Variants in FAM171A1 observed in about 807,000 individuals in gnomAD.
The protein encoded by FAM171A1 is protein FAM171A1.
FAM171A1 carries 23 observed loss-of-function variants against 74.9 expected under a neutral mutation model. The ratio of observed to expected loss-of-function variants is 0.31; its 90% CI spans 0.22 to 0.44. FAM171A1 has a LOEUF of 0.44. FAM171A1 is among the 20% of genes least tolerant of loss of function. The pLI is 1.00. For synonymous variants in FAM171A1, 527 were observed against 505.7 expected (o/e 1.04, Z -0.57); for missense variants, 1,162 against 1,159.2 (o/e 1.00, Z -0.03).
intron 5 of FAM171A1, among the ~76,000 whole-genome samples, chr10:15,226,902 A>G (rs1265119030): frequency 6.6e-6 from 1 of 152,068 alleles, no homozygotes; most frequent in Non-Finnish European, 1.5e-5. Flanking sequence ...CTGGAGCTGT[A>G]TGCTATTGGG....
At chr10:15,374,101 G>T (rs1337404189), upstream of FAM171A1, among the ~76,000 whole-genome samples, 1 of 152,218 alleles carries the variant, frequency 6.6e-6, no homozygotes, top group African/African-American at 2.4e-5. Flanking sequence ...AGACGCTCAG[G>T]TCTGATGGAG....
intron 1 of FAM171A1, among the ~76,000 whole-genome samples, chr10:15,345,731 C>T (rs1332514255): frequency 1.3e-5 from 2 of 152,096 alleles, no homozygotes; most frequent in Admixed American, 6.5e-5. Flanking sequence ...AAGCAAAGAG[C>T]AGGGTGCCCA....
chr10:15,262,391 A>C (rs1182277699), intron 3 of FAM171A1, among the ~76,000 whole-genome samples: 3 of 152,200 alleles, frequency 2.0e-5, no homozygotes, highest in Non-Finnish European at 4.4e-5. Flanking sequence ...TTTTGAAATA[A>C]GAGATAGGCA....
chr10:15,229,855 C>T (rs61844217), intron 5 of FAM171A1, among the ~76,000 whole-genome samples: 525 of 15,970 alleles, frequency 0.033, 1 homozygote, highest in South Asian at 0.047. Flanking sequence ...ACCATCATCA[C>T]CATCACCCCC....
chr10:15,213,522 G>T lies in FAM171A1; in HGVS notation c.2066C>A (p.Thr689Asn). Residue 689 changes from threonine (T) to asparagine (N), a missense_variant, in exon 8 of 8, where the codon ACT becomes AAT. Physicochemically the swap from Thr to Asn is moderately conservative, Grantham distance 65. Transcript: ENST00000378116. The surrounding 1 kb of genome is among the most constrained non-coding windows in gnomAD (Gnocchi z 6.8). ...CCCAAGCTCCATCAGGGCCTTTTCAGTCAGGAGCTGCACCTCACTGTTCAT... is the reference window on the plus strand; with the variant it reads ...CCCAAGCTCCATCAGGGCCTTTTCATTCAGGAGCTGCACCTCACTGTTCAT... ...AQMNSEVQLL[T>N]EKALMELGGG... The T allele has an allele frequency of 6.2e-7, 1 of 1,614,150 alleles. No homozygotes were observed. Among genetic ancestry groups the T allele is most frequent in the Non-Finnish European group, 8.5e-7 (1 of 1,180,032 alleles).
intron 1 of FAM171A1, among the ~76,000 whole-genome samples, chr10:15,307,508 T>C (rs1048979205): frequency 4.6e-5 from 7 of 151,944 alleles, no homozygotes; most frequent in African/African-American, 1.7e-4. Flanking sequence ...TAGCCAGGCA[T>C]GGTGGCAGGC....
At chr10:15,270,727 C>G (rs1834812916) in intron 3 of FAM171A1, among the ~76,000 whole-genome samples, 1 of 152,200 alleles carries the variant, frequency 6.6e-6, no homozygotes, top group South Asian at 2.1e-4. Context: ...GCAATATTTG[C>G]TGTTCTGCAG....
At position 15,216,832 on chromosome 10, in the gene FAM171A1, GAA is replaced by G. The variant is rs5783433; in HGVS notation, c.872-724_872-723del. On this transcript the variant is annotated intron_variant, in intron 6 of 7. Coordinates refer to ENST00000378116, the MANE Select transcript of FAM171A1 (RefSeq NM_001010924.2). ...CTATCTGGGAATTTTATATTGCAGT[GAA>G]AAAAAAAAAAAAAACCCTACAAAGT... Among the ~76,000 whole-genome samples the G allele has an allele frequency of 4.5e-3, 606 of 134,828 alleles. 2 individuals carry two copies. Among genetic ancestry groups the G allele is most frequent in the African/African-American group, 0.012 (447 of 36,922 alleles). 88.5% of individuals were successfully genotyped at this position (134,828 alleles called of 152,430 possible). A position where few individuals can be genotyped will look rare whatever the true frequency, so the allele number is the denominator to read the frequency against.
At chr10:15,246,327 G>C (rs1160790852) in intron 5 of FAM171A1, among the ~76,000 whole-genome samples, 1 of 152,070 alleles carries the variant, frequency 6.6e-6, no homozygotes, top group African/African-American at 2.4e-5. Flanking sequence ...TAATTATTTG[G>C]AAAGTAAAAA....
At chr10:15,370,156 CCAGGGCTGGAAAG>C (rs752757286) in intron 1 of FAM171A1, among the ~76,000 whole-genome samples, 117 of 152,166 alleles carry the variant, frequency 7.7e-4, no homozygotes, top group Admixed American at 2.7e-3. Flanking sequence ...CACGTTACTC[CCAGGGCTGGAAAG>C]CAGATTTGTG....
At chr10:15,306,816 A>C (rs1835301322) in intron 1 of FAM171A1, among the ~76,000 whole-genome samples, 2 of 152,218 alleles carry the variant, frequency 1.3e-5, no homozygotes. Flanking sequence ...AGTTCCATCC[A>C]GAATCCTTTT....
chr10:15,320,908 G>C (rs866254575), intron 1 of FAM171A1, among the ~76,000 whole-genome samples: 3 of 152,324 alleles, frequency 2.0e-5, no homozygotes, highest in Middle Eastern at 3.4e-3. Context: ...AAGCAATGCA[G>C]ACAACTTTCA....
chr10:15,322,101 A>G (rs749805970), intron 1 of FAM171A1, among the ~76,000 whole-genome samples: 8 of 152,224 alleles, frequency 5.3e-5, no homozygotes, highest in African/African-American at 1.9e-4. Flanking sequence ...GCCCGATACA[A>G]GCATGGGTTA....
chr10:15,370,057 C>T (rs533952070), intron 1 of FAM171A1, among the ~76,000 whole-genome samples: 34 of 151,922 alleles, frequency 2.2e-4, no homozygotes, highest in African/African-American at 8.0e-4. Flanking sequence ...ATGTGCCAAG[C>T]AAGCCTCAGG....
chr10:15,284,175 T>C (rs1835007840), intron 1 of FAM171A1, 70 bp from the exon 2 acceptor site: 2 of 1,423,566 alleles, frequency 1.4e-6, no homozygotes, highest in Non-Finnish European at 1.9e-6. Context: ...CTGGTATGAC[T>C]GTGATGGGAA....
chr10:15,250,680 A>G (rs111283324), intron 4 of FAM171A1, among the ~76,000 whole-genome samples: 77 of 152,308 alleles, frequency 5.1e-4, no homozygotes, highest in African/African-American at 1.8e-3. Flanking sequence ...GGATCACTTG[A>G]GCCTGGGAAG....
chr10:15,224,968 GTC>G (rs1160947816), intron 5 of FAM171A1, among the ~76,000 whole-genome samples: 2 of 152,144 alleles, frequency 1.3e-5, no homozygotes, highest in African/African-American at 2.4e-5. Context: ...AATCTACCCA[GTC>G]TTTCAAGATT....
intron 1 of FAM171A1, among the ~76,000 whole-genome samples, chr10:15,295,803 G>A (rs1413841954): frequency 2.0e-5 from 3 of 152,158 alleles, no homozygotes; most frequent in African/African-American, 7.2e-5. Context: ...GTGGCTGCCT[G>A]GGCCAGGGAG....
chr10:15,270,367 CAA>C (rs953343807), intron 3 of FAM171A1, among the ~76,000 whole-genome samples: 22 of 152,204 alleles, frequency 1.4e-4, no homozygotes, highest in African/African-American at 5.3e-4. Flanking sequence ...AGTAGCCAAA[CAA>C]AATGGCTGGG....
Sources: allele counts gnomAD v4.1 joint callset (sites outside exome capture counted in the v4.1 genomes callset), GRCh38; gene constraint gnomAD v4.1.1; non-coding constraint Gnocchi (gnomAD v3.1); transcripts MANE v1.5; gene names NCBI Gene and HGNC (gene_info 2026-07-23, HGNC 2026-07-21).